The following CDH8 variants were observed in gnomAD, a reference collection of about 807,000 sequenced individuals.
The protein encoded by CDH8 is cadherin-8.
In CDH8, 17 loss-of-function variants were observed where a neutral mutation model predicts 68.1. That is an observed-to-expected ratio of 0.25 (90% CI 0.17 to 0.37). The LOEUF is 0.37. Among genes scored for constraint, CDH8 ranks in the 10% least tolerant of loss-of-function variants. The pLI is 1.00. For missense variants in CDH8, 763 were observed against 999.3 expected, an observed-to-expected ratio of 0.76 and a Z score of 3.19; for synonymous variants, 372 against 365.1, an observed-to-expected ratio of 1.02 and a Z score of -0.21.
At chr16:61,935,477 T>C (rs1469057558) in intron 2 of CDH8, among the ~76,000 whole-genome samples, 2 of 152,184 alleles carry the variant, frequency 1.3e-5, no homozygotes, top group African/African-American at 4.8e-5. Context: ...TAATATAGTA[T>C]TGAGAATGGA....
intron 4 of CDH8, among the ~76,000 whole-genome samples, chr16:61,837,740 A>T (rs1444688216): frequency 6.6e-6 from 1 of 152,082 alleles, no homozygotes; most frequent in Non-Finnish European, 1.5e-5. Flanking sequence ...TGCAGGAGCC[A>T]TTCATTACTA....
chr16:61,991,214 C>A (rs1417900319), intron 2 of CDH8, among the ~76,000 whole-genome samples: 6 of 152,122 alleles, frequency 3.9e-5, no homozygotes. Context: ...GTCTCTAAGT[C>A]ATTTTGGGTA....
intron 3 of CDH8, among the ~76,000 whole-genome samples, chr16:61,861,076 T>G (rs894841983): frequency 6.6e-6 from 1 of 152,160 alleles, no homozygotes; most frequent in Non-Finnish European, 1.5e-5. Flanking sequence ...AATAACAACA[T>G]GCTAAGCCAG....
chr16:61,656,325 A>G (rs953842347), intron 10 of CDH8, among the ~76,000 whole-genome samples: 2 of 152,204 alleles, frequency 1.3e-5, no homozygotes, highest in Admixed American at 1.3e-4. Flanking sequence ...CCGAAGACAT[A>G]TATTATCTCA....
intron 7 of CDH8, among the ~76,000 whole-genome samples, chr16:61,812,873 C>G (rs1961983432): frequency 6.6e-6 from 1 of 152,112 alleles, no homozygotes; most frequent in African/African-American, 2.4e-5. Flanking sequence ...TCACTAAGTA[C>G]AGGAAGCTTA....
intron 7 of CDH8, among the ~76,000 whole-genome samples, chr16:61,807,945 C>T (rs559582718): frequency 6.6e-6 from 1 of 152,224 alleles, no homozygotes; most frequent in African/African-American, 2.4e-5. Context: ...TACTTTCAAA[C>T]CTGTAACATA....
intron 10 of CDH8, among the ~76,000 whole-genome samples, chr16:61,667,934 CA>C (rs1275212470): frequency 6.6e-6 from 1 of 151,858 alleles, no homozygotes; most frequent in Non-Finnish European, 1.5e-5. Context: ...GTCACCTTAA[CA>C]AAAATTACCT....
chr16:61,965,745 G>A (rs1460514669), intron 2 of CDH8, among the ~76,000 whole-genome samples: 1 of 152,302 alleles, frequency 6.6e-6, no homozygotes, highest in East Asian at 1.9e-4. Flanking sequence ...CAGGCCTGGT[G>A]CTAGTGTACT....
At chr16:61,839,738 C>T (rs1255828553) in intron 4 of CDH8, among the ~76,000 whole-genome samples, 4 of 151,994 alleles carry the variant, frequency 2.6e-5, no homozygotes, top group Non-Finnish European at 5.9e-5. Context: ...GGAGAGAGCA[C>T]TTTTAATGAG....
At chr16:61,661,444 G>A (rs557489166) in intron 10 of CDH8, among the ~76,000 whole-genome samples, 1 of 151,866 alleles carries the variant, frequency 6.6e-6, no homozygotes, top group South Asian at 2.1e-4. Context: ...AGAAATTTGG[G>A]ACACTCATAG....
At chr16:61,745,185 G>T (rs1409957459) in intron 8 of CDH8, among the ~76,000 whole-genome samples, 1 of 149,076 alleles carries the variant, frequency 6.7e-6, no homozygotes, top group Non-Finnish European at 1.5e-5. Context: ...TTTTCCTTCT[G>T]TCCTTTAAAA....
chr16:61,849,506 C>G (rs1049438635), intron 4 of CDH8, among the ~76,000 whole-genome samples: 2 of 152,024 alleles, frequency 1.3e-5, no homozygotes, highest in Non-Finnish European at 2.9e-5. Flanking sequence ...AATTAGCCAC[C>G]CTTGCACCTC....
chr16:61,865,170 G>A (rs1261737497), intron 3 of CDH8, among the ~76,000 whole-genome samples: 1 of 152,186 alleles, frequency 6.6e-6, no homozygotes, highest in Non-Finnish European at 1.5e-5. Context: ...CTTAACTGCA[G>A]TCAGGCGGAT....
intron 2 of CDH8, among the ~76,000 whole-genome samples, chr16:62,020,919 A>AT (rs778624433): frequency 6.6e-6 from 1 of 151,972 alleles, no homozygotes; most frequent in Non-Finnish European, 1.5e-5. Context: ...GCAGTGTTGT[A>AT]TTTTACTGAT....
intron 2 of CDH8, among the ~76,000 whole-genome samples, chr16:61,965,102 T>A (rs1965224451): frequency 6.6e-6 from 1 of 152,126 alleles, no homozygotes; most frequent in Non-Finnish European, 1.5e-5. Flanking sequence ...GGGGTTGAGG[T>A]TGGGGGCATC....
intron 1 of CDH8, chr16:62,031,980 C>A (rs1902338128): frequency 6.6e-6 from 1 of 152,158 alleles, no homozygotes; most frequent in South Asian, 2.1e-4. Context: ...CAGGAACAAA[C>A]AGTTCAGCAG....
intron 10 of CDH8, among the ~76,000 whole-genome samples, chr16:61,658,349 G>A (rs917038087): frequency 6.6e-6 from 1 of 151,810 alleles, no homozygotes; most frequent in African/African-American, 2.4e-5. Context: ...ATTTAATATA[G>A]TTTATTTTGC....
At chr16:61,655,822 A>C in intron 10 of CDH8, 101 bp from the exon 11 acceptor site, 1 of 1,017,220 alleles carries the variant, frequency 9.8e-7, no homozygotes, top group Non-Finnish European at 1.4e-6. Flanking sequence ...ACCTCAAGAC[A>C]ATCCCGACTT....
rs981931927 is a variant in CDH8, at chr16:61,962,560, G to A, written c.252+58592C>T. Among the ~76,000 whole-genome samples the A allele has an allele frequency of 3.3e-5, 5 of 152,322 alleles. No individual in the cohort carries two copies. The East Asian group carries it at 9.7e-4, about 29-fold the overall frequency. The stretch of plus-strand genomic sequence containing the variant: ...TTGCAAGCCCAGTTAGTCTGGGGCT[G>A]TTGGCCTGAAGCATCACTTATAATA... On this transcript the variant is annotated intron_variant, in intron 2 of 11. Coordinates refer to ENST00000577390, the MANE Select transcript of CDH8 (RefSeq NM_001796.5).
Sources: gnomAD v4.1 joint callset for allele counts (sites outside exome capture counted in the v4.1 genomes callset) on GRCh38, gnomAD v4.1.1 for gene constraint, MANE v1.5 for transcripts, NCBI Gene and HGNC (gene_info 2026-07-23, HGNC 2026-07-21) for gene names.